CCSER1: variants seen among roughly 807,000 people sequenced by gnomAD.
The protein encoded by CCSER1 is coiled-coil serine rich protein 1.
CCSER1 carries 41 observed loss-of-function variants against 82.0 expected under a neutral mutation model. That is an observed-to-expected ratio of 0.50 (90% CI 0.39 to 0.65). The LOEUF (loss-of-function observed/expected upper bound fraction) is 0.65, where lower values mean the gene tolerates loss of function less well. CCSER1 is among the 30% of genes least tolerant of loss of function. The pLI, the probability that CCSER1 is intolerant of heterozygous loss-of-function variation, is 0.00. For missense variants in CCSER1, 1,119 were observed against 1,064.2 expected (o/e 1.05, Z -0.72); for synonymous variants, 414 against 383.9 (o/e 1.08, Z -0.92).
intron 9 of CCSER1, among the ~76,000 whole-genome samples, chr4:91,038,074 G>A (rs1323788859): frequency 5.9e-5 from 9 of 151,876 alleles, no homozygotes; most frequent in South Asian, 2.1e-4. Flanking sequence ...TAGAGATAAC[G>A]TCAATTGAAA....
At chr4:90,446,207 T>G (rs1389725179) in intron 4 of CCSER1, among the ~76,000 whole-genome samples, 1 of 152,188 alleles carries the variant, frequency 6.6e-6, no homozygotes, top group Non-Finnish European at 1.5e-5. Context: ...AATCACCCAT[T>G]AAAACTGTAC....
At chr4:90,295,075 T>C (rs1345144585) in intron 1 of CCSER1, among the ~76,000 whole-genome samples, 1 of 152,036 alleles carries the variant, frequency 6.6e-6, no homozygotes, top group East Asian at 1.9e-4. Flanking sequence ...GTGGAATAAA[T>C]AGACCATTTT....
chr4:90,138,004 G>A (rs144407551), intron 1 of CCSER1, among the ~76,000 whole-genome samples: 1 of 152,148 alleles, frequency 6.6e-6, no homozygotes, highest in African/African-American at 2.4e-5. Context: ...TCCATTGAAA[G>A]TATCATAATT....
chr4:91,223,763 G>A (rs1737935213), intron 10 of CCSER1, among the ~76,000 whole-genome samples: 1 of 151,962 alleles, frequency 6.6e-6, no homozygotes, highest in South Asian at 2.1e-4. Context: ...TAATAAAATA[G>A]GATAAATCTG....
At chr4:91,051,148 A>T (rs1027691741) in intron 9 of CCSER1, among the ~76,000 whole-genome samples, 2 of 152,194 alleles carry the variant, frequency 1.3e-5, no homozygotes, top group African/African-American at 4.8e-5. Flanking sequence ...GGACAAATGT[A>T]TTTGAAGTAC....
In CCSER1 at chr4:91,354,806, T is replaced by C. The variant is rs112952972; in HGVS notation, c.2218-243766T>C. Among the ~76,000 whole-genome samples, 975 of 152,328 alleles carry C rather than the reference T, an allele frequency of 6.4e-3. 8 individuals carry two copies. Among genetic ancestry groups the C allele is most frequent in the African/African-American group, 0.022 (914 of 41,572 alleles). On this transcript the variant is annotated intron_variant, in intron 10 of 10. Transcript: ENST00000509176. ...CACAAACATAACATGAAGTGACATT[T>C]AGAGACTGGGCTACATGCTCGGCTA...
intron 3 of CCSER1, among the ~76,000 whole-genome samples, chr4:90,361,318 T>A (rs1745329169): frequency 6.6e-6 from 1 of 152,250 alleles, no homozygotes; most frequent in Non-Finnish European, 1.5e-5. Context: ...CTCTCCATGT[T>A]GCTTCTGCTC....
intron 7 of CCSER1, among the ~76,000 whole-genome samples, chr4:90,745,493 A>G (rs1267887270): frequency 3.9e-5 from 6 of 152,124 alleles, no homozygotes; most frequent in Non-Finnish European, 8.8e-5. Context: ...ACAGTCAGTA[A>G]TATCACACAA....
chr4:91,257,542 G>A (rs1740792421), intron 10 of CCSER1, among the ~76,000 whole-genome samples: 1 of 108,266 alleles, frequency 9.2e-6, no homozygotes, highest in Non-Finnish European at 1.8e-5. Context: ...AATGTAAAAT[G>A]GGCAACTAAC....
chr4:90,423,343 A>G (rs964289174), intron 4 of CCSER1, among the ~76,000 whole-genome samples: 1 of 152,086 alleles, frequency 6.6e-6, no homozygotes, highest in African/African-American at 2.4e-5. Flanking sequence ...CCCCTGCCTC[A>G]GCCTCCTGAG....
At chr4:91,078,662 G>T (rs549666840) in intron 9 of CCSER1, among the ~76,000 whole-genome samples, 40 of 152,174 alleles carry the variant, frequency 2.6e-4, no homozygotes, top group Non-Finnish European at 5.1e-4. Flanking sequence ...CGAACCCATC[G>T]CAAGAAGCTA....
intron 10 of CCSER1, among the ~76,000 whole-genome samples, chr4:91,167,825 C>T (rs999476874): frequency 4.6e-5 from 7 of 152,234 alleles, no homozygotes; most frequent in African/African-American, 1.7e-4. Flanking sequence ...CATAATATAA[C>T]CTAACAAATA....
chr4:90,159,335 A>G (rs982541768), intron 1 of CCSER1, among the ~76,000 whole-genome samples: 1 of 152,100 alleles, frequency 6.6e-6, no homozygotes, highest in Non-Finnish European at 1.5e-5. Flanking sequence ...ATGAACCACC[A>G]TGCCTGGCCC....
chr4:90,950,271 G>T (rs554552453), intron 9 of CCSER1, among the ~76,000 whole-genome samples: 3 of 152,126 alleles, frequency 2.0e-5, no homozygotes, highest in African/African-American at 7.2e-5. Flanking sequence ...TAATGAGTTT[G>T]ATTTTTATTT....
At chr4:91,316,165 G>A (rs1339862464) in intron 10 of CCSER1, among the ~76,000 whole-genome samples, 1 of 152,008 alleles carries the variant, frequency 6.6e-6, no homozygotes, top group Non-Finnish European at 1.5e-5. Flanking sequence ...ATGGAAGTGT[G>A]AGTGCATTAA....
At chr4:91,237,798 G>T (rs761035873) in intron 10 of CCSER1, among the ~76,000 whole-genome samples, 1 of 152,212 alleles carries the variant, frequency 6.6e-6, no homozygotes, top group Non-Finnish European at 1.5e-5. Flanking sequence ...ACTGTAAAGT[G>T]TGAAATAAAA....
intron 10 of CCSER1, among the ~76,000 whole-genome samples, chr4:91,091,618 C>G (rs552118989): frequency 6.6e-6 from 1 of 152,298 alleles, no homozygotes; most frequent in South Asian, 2.1e-4. Context: ...GTGACTGGAG[C>G]AGGGCTTGTC....
At chr4:91,009,203 T>G (rs1036542286) in intron 9 of CCSER1, among the ~76,000 whole-genome samples, 1 of 151,854 alleles carries the variant, frequency 6.6e-6, no homozygotes, top group Non-Finnish European at 1.5e-5. Context: ...CAGAAGAGAG[T>G]GCATTTGCAA....
intron 8 of CCSER1, among the ~76,000 whole-genome samples, chr4:90,896,280 G>A (rs1285928559): frequency 3.3e-5 from 5 of 151,894 alleles, no homozygotes; most frequent in South Asian, 2.1e-4. Context: ...ATCTAAGTGG[G>A]TATGCCTAGT....
Sources: gnomAD v4.1 joint callset for allele counts (sites outside exome capture counted in the v4.1 genomes callset) on GRCh38, gnomAD v4.1.1 for gene constraint, MANE v1.5 for transcripts, NCBI Gene and HGNC (gene_info 2026-07-23, HGNC 2026-07-21) for gene names.